Variants in SH3PXD2A observed in about 807,000 individuals in gnomAD.
SH3PXD2A encodes SH3 and PX domain-containing protein 2A.
A neutral mutation model predicts 115.2 loss-of-function variants in SH3PXD2A; 32 were observed. The observed-to-expected ratio is 0.28, with a 90% confidence interval of 0.21 to 0.37. The LOEUF is 0.37. Ranked by LOEUF, SH3PXD2A falls within the 10% of genes least tolerant of loss-of-function variation. The pLI, the probability that SH3PXD2A is intolerant of heterozygous loss-of-function variation, is 1.00. For synonymous variants in SH3PXD2A, 610 were observed against 629.1 expected (o/e 0.97, Z 0.45); for missense variants, 1,328 against 1,498.7 (o/e 0.89, Z 1.88).
At chr10:103,836,705 A>C (rs938174533) in intron 1 of SH3PXD2A, among the ~76,000 whole-genome samples, 1 of 149,466 alleles carries the variant, frequency 6.7e-6, no homozygotes, top group Non-Finnish European at 1.5e-5. Context: ...ACACACACAC[A>C]CCCCTTCTTT....
At chr10:103,696,094 G>A (rs1406335721) in intron 5 of SH3PXD2A, among the ~76,000 whole-genome samples, 1 of 152,206 alleles carries the variant, frequency 6.6e-6, no homozygotes, top group Non-Finnish European at 1.5e-5. Context: ...AGCCCAGAGG[G>A]CCTGATCAGC....
At chr10:103,637,367 C>T (rs1192866553) in intron 8 of SH3PXD2A, among the ~76,000 whole-genome samples, 8 of 152,334 alleles carry the variant, frequency 5.3e-5, no homozygotes, top group South Asian at 4.1e-4. Flanking sequence ...TGGTCCTTCA[C>T]ATCTGGCTTA....
In SH3PXD2A at chr10:103,642,287, C is replaced by T. The variant is rs908738866; in HGVS notation, c.605-15085G>A. 9.2e-5 allele frequency among the ~76,000 whole-genome samples: 14 copies of T among 152,174 alleles called. 1 individual carries two copies. Among genetic ancestry groups the T allele is most frequent in the South Asian group, 6.2e-4 (3 of 4,816 alleles). The stretch of plus-strand genomic sequence containing the variant: ...ACAAAGCTATGTAGTACATTTGAAC[C>T]GTGCCACAAATGAAGAGGCTGAGCC... On this transcript the variant is annotated intron_variant, in intron 8 of 14. Coordinates refer to ENST00000369774, the MANE Select transcript of SH3PXD2A (RefSeq NM_001394015.1).
chr10:103,606,872 T>G (rs1028985638), intron 13 of SH3PXD2A, among the ~76,000 whole-genome samples: 1 of 152,236 alleles, frequency 6.6e-6, no homozygotes, highest in African/African-American at 2.4e-5. Flanking sequence ...CCGCCTGCCT[T>G]GGCCTCCCAA....
At chr10:103,734,839 A>G (rs1564876145) in intron 4 of SH3PXD2A, among the ~76,000 whole-genome samples, 1 of 152,228 alleles carries the variant, frequency 6.6e-6, no homozygotes, top group Non-Finnish European at 1.5e-5. Context: ...CCTTTGTAAA[A>G]ATAATAACAA....
At chr10:103,757,156 A>G (rs1339484511) in intron 3 of SH3PXD2A, among the ~76,000 whole-genome samples, 1 of 152,196 alleles carries the variant, frequency 6.6e-6, no homozygotes, top group Non-Finnish European at 1.5e-5. Context: ...CAGGTAAGGA[A>G]AGGATGTATT....
chr10:103,604,618 T>C (rs2036272621), intron 14 of SH3PXD2A, among the ~76,000 whole-genome samples: 2 of 152,102 alleles, frequency 1.3e-5, no homozygotes, highest in Non-Finnish European at 2.9e-5. Context: ...GTGAAAACAC[T>C]GGCACTATGG....
intron 2 of SH3PXD2A, among the ~76,000 whole-genome samples, chr10:103,770,006 C>A (rs944247571): frequency 6.6e-6 from 1 of 152,044 alleles, no homozygotes; most frequent in African/African-American, 2.4e-5. Flanking sequence ...AATTCATGTT[C>A]GCTAAGGGAA....
chr10:103,802,290 A>G (rs2039155020), intron 1 of SH3PXD2A, among the ~76,000 whole-genome samples: 1 of 152,230 alleles, frequency 6.6e-6, no homozygotes, highest in Admixed American at 6.5e-5. Flanking sequence ...GGTGCTCAGA[A>G]AACACTTTGC....
intron 5 of SH3PXD2A, among the ~76,000 whole-genome samples, chr10:103,717,938 G>A (rs907046254): frequency 6.6e-6 from 1 of 152,060 alleles, no homozygotes; most frequent in African/African-American, 2.4e-5. Flanking sequence ...GTGCCAGGAG[G>A]CAGGTCATGC....
chr10:103,613,350 T>C (rs536228667), intron 11 of SH3PXD2A, among the ~76,000 whole-genome samples, 160 bp from the exon 12 acceptor site: 79 of 152,192 alleles, frequency 5.2e-4, no homozygotes, highest in African/African-American at 1.9e-3. Flanking sequence ...GCACCGAGGG[T>C]AGATGGAAAA....
At chr10:103,713,096 A>G (rs923866765) in intron 5 of SH3PXD2A, among the ~76,000 whole-genome samples, 1 of 152,210 alleles carries the variant, frequency 6.6e-6, no homozygotes, top group South Asian at 2.1e-4. Context: ...CATGGGGTGG[A>G]GCCAGATACA....
rs565339047 is a variant in SH3PXD2A at position 103,705,969 on chromosome 10, A to G, written c.399-12913T>C. The stretch of plus-strand genomic sequence containing the variant: ...AGCCAAGATCGTGCCACTGCACTCC[A>G]GCCTGGGTGACAGAGCAAGACTCTG... On this transcript the variant is annotated intron_variant, in intron 5 of 14. Transcript: ENST00000369774. 4.9e-4 allele frequency among the ~76,000 whole-genome samples: 74 copies of G among 151,838 alleles called. 2 individuals are homozygous for G. The highest frequency in any genetic ancestry group is 1.8e-3 in the African/African-American group (74 of 41,392).
chr10:103,719,232 G>A (rs1554915205), intron 5 of SH3PXD2A, among the ~76,000 whole-genome samples: 1 of 152,254 alleles, frequency 6.6e-6, no homozygotes. Context: ...ACCTACTCTG[G>A]CTGGGGTGGA....
Position 103,602,824 on chromosome 10 carries a change from C to G in SH3PXD2A, c.2394G>C (p.Glu798Asp). Residue 798 changes from glutamate to aspartate, a missense_variant, in exon 15 of 15, where the codon GAG (glutamate) becomes GAC (aspartate). Coordinates refer to ENST00000369774, the MANE Select transcript of SH3PXD2A (RefSeq NM_001394015.1). ...LRGGLKGSKSEDSELPPQTAS... is the reference protein window; with the variant it reads ...LRGGLKGSKSDDSELPPQTAS... Reference sequence around the variant, plus strand: ...CCGTCTGCGGGGGCAGCTCCGAATCCTCACTCTTGGAGCCCTTGAGCCCTC... The same window carrying G: ...CCGTCTGCGGGGGCAGCTCCGAATCGTCACTCTTGGAGCCCTTGAGCCCTC... 1 of 1,614,180 alleles carries G rather than the reference C, an allele frequency of 6.2e-7. No homozygotes were observed. Among genetic ancestry groups the G allele is most frequent in the Non-Finnish European group, 8.5e-7 (1 of 1,180,020 alleles).
At chr10:103,736,928 G>A in intron 3 of SH3PXD2A, 5 of 503,146 alleles carry the variant, frequency 9.9e-6, no homozygotes, top group South Asian at 7.8e-5. Context: ...TAGTCAGCCA[G>A]AGTCACAGTG....
At chr10:103,645,933 G>A (rs1424521078) in intron 8 of SH3PXD2A, among the ~76,000 whole-genome samples, 7 of 152,218 alleles carry the variant, frequency 4.6e-5, no homozygotes. Context: ...GTGTACAGGG[G>A]AGAACTGTGG....
chr10:103,779,889 T>C (rs1437439319), intron 2 of SH3PXD2A, among the ~76,000 whole-genome samples: 1 of 152,012 alleles, frequency 6.6e-6, no homozygotes, highest in Non-Finnish European at 1.5e-5. Context: ...GCCTGACACT[T>C]TTCTCTCTCA....
chr10:103,831,060 T>A (rs2039478458), intron 1 of SH3PXD2A, among the ~76,000 whole-genome samples: 1 of 152,266 alleles, frequency 6.6e-6, no homozygotes, highest in East Asian at 1.9e-4. Flanking sequence ...TGTGTTTGCA[T>A]GCTTTTACTA....
Sources: gnomAD v4.1 joint callset for allele counts (sites outside exome capture counted in the v4.1 genomes callset) on GRCh38, gnomAD v4.1.1 for gene constraint, MANE v1.5 for transcripts, NCBI Gene and HGNC (gene_info 2026-07-23, HGNC 2026-07-21) for gene names.